Variants in FAR2 observed in about 807,000 individuals in gnomAD.
FAR2 encodes the protein fatty acyl-CoA reductase 2, also known as epididymis secretory protein Li 81.
A neutral mutation model predicts 56.0 loss-of-function variants in FAR2; 19 were observed. That is an observed-to-expected ratio of 0.34 (90% confidence interval 0.24 to 0.50). The LOEUF is 0.50. FAR2 is among the 20% of genes least tolerant of loss of function. The pLI is 0.98. For missense variants in FAR2, 508 were observed against 642.2 expected (o/e 0.79, Z 2.26); for synonymous variants, 219 against 218.8 (o/e 1.00, Z -0.01).
rs57871563 is a variant in FAR2 at position 29,322,099 on chromosome 12, G to A, written c.1257+175G>A. Among the ~76,000 whole-genome samples the A allele has an allele frequency of 8.5e-3, 1,294 of 152,306 alleles. 17 individuals carry two copies. Among genetic ancestry groups the A allele is most frequent in the African/African-American group, 0.03 (1,241 of 41,574 alleles). On this transcript the variant is annotated intron_variant, in intron 10 of 11. Transcript: ENST00000536681. ...CTATCAACACCACCGTAGGAAACAAGTTTAATGTAAGTAAGAAATGTAGGT... is the reference window on the plus strand; with the variant it reads ...CTATCAACACCACCGTAGGAAACAAATTTAATGTAAGTAAGAAATGTAGGT...
intron 1 of FAR2, among the ~76,000 whole-genome samples, chr12:29,174,413 G>A (rs1227740205): frequency 6.9e-6 from 1 of 144,638 alleles, no homozygotes; most frequent in African/African-American, 2.6e-5. Context: ...GACAGGGAGT[G>A]GTTTTTATTC....
chr12:29,272,090 C>T (rs1279335622), intron 2 of FAR2, among the ~76,000 whole-genome samples: 1 of 152,144 alleles, frequency 6.6e-6, no homozygotes, highest in Non-Finnish European at 1.5e-5. Flanking sequence ...GTTATCTACC[C>T]CTAATGCACT....
At chr12:29,265,340 T>C (rs1055825629) in intron 1 of FAR2, among the ~76,000 whole-genome samples, 2 of 152,062 alleles carry the variant, frequency 1.3e-5, no homozygotes, top group African/African-American at 4.8e-5. Flanking sequence ...CATAGACCAG[T>C]AGAACAGAGC....
intron 6 of FAR2, chr12:29,309,757 CAAT>C (rs1374920218): frequency 1.3e-5 from 2 of 152,706 alleles, no homozygotes; most frequent in African/African-American, 4.8e-5. Context: ...AACATCTTTT[CAAT>C]AATATCTTAC....
At chr12:29,327,354 A>G (rs1344005644) in intron 10 of FAR2, among the ~76,000 whole-genome samples, 1 of 152,200 alleles carries the variant, frequency 6.6e-6, no homozygotes, top group Non-Finnish European at 1.5e-5. Context: ...ATTCAATGCC[A>G]TCCCCATCAA....
chr12:29,307,792 T>C lies in FAR2; in HGVS notation c.680T>C (p.Ile227Thr). ...AGCAGGAACCTGAACATTGCCATCA[T>C]AAGGCCCTCCATTGTGGGAGCAACT... ...QESRNLNIAI[I>T]RPSIVGATWQ... Residue 227 changes from isoleucine (I) to threonine (T), a missense_variant, in exon 5 of 12, where the codon ATA (isoleucine) becomes ACA (threonine). Ile to Thr is a moderately conservative substitution (Grantham distance 89). Coordinates refer to ENST00000536681, the MANE Select transcript of FAR2 (RefSeq NM_001271783.2). The C allele has an allele frequency of 1.9e-6, 3 of 1,612,728 alleles. No homozygotes were observed. The highest frequency in any genetic ancestry group is 2.5e-6 in the Non-Finnish European group (3 of 1,179,850).
chr12:29,236,993 A>C (rs1245564440), intron 1 of FAR2, among the ~76,000 whole-genome samples: 3 of 152,302 alleles, frequency 2.0e-5, no homozygotes, highest in Non-Finnish European at 2.9e-5. Context: ...AAATATAAAG[A>C]AACTTTTTCC....
At chr12:29,205,527 G>C (rs983988842) in intron 1 of FAR2, among the ~76,000 whole-genome samples, 1 of 152,210 alleles carries the variant, frequency 6.6e-6, no homozygotes, top group Non-Finnish European at 1.5e-5. Context: ...AGCTCCTGCT[G>C]TTTTGGTAGG....
chr12:29,207,671 T>C (rs1947491683), intron 1 of FAR2, among the ~76,000 whole-genome samples: 1 of 152,166 alleles, frequency 6.6e-6, no homozygotes, highest in Admixed American at 6.5e-5. Flanking sequence ...AATATTGGGC[T>C]GAAACAGACT....
intron 1 of FAR2, among the ~76,000 whole-genome samples, chr12:29,204,082 A>T (rs1947450749): frequency 6.6e-6 from 1 of 151,404 alleles, no homozygotes; most frequent in African/African-American, 2.4e-5. Flanking sequence ...GGTAAAACCC[A>T]GCATGATTTT....
rs1949286319 is a variant in FAR2, at chr12:29,308,293, T to C, written c.723+458T>C. 5.9e-5 allele frequency among the ~76,000 whole-genome samples: 9 copies of C among 152,310 alleles called. No homozygotes were observed. In the South Asian group the frequency reaches 1.9e-3, roughly 32 times the overall value. On this transcript the variant is annotated intron_variant, in intron 5 of 11. Transcript: ENST00000536681. The stretch of plus-strand genomic sequence containing the variant: ...CTGTCATGACCTTTTGAAAGTACTT[T>C]GAATTATACCATCTTCTTGAAAGCA...
chr12:29,304,061 C>G (rs1416576888), intron 4 of FAR2, among the ~76,000 whole-genome samples: 2 of 152,190 alleles, frequency 1.3e-5, no homozygotes, highest in Non-Finnish European at 2.9e-5. Context: ...GACCTTGAAG[C>G]CACCTTCACC....
intron 1 of FAR2, among the ~76,000 whole-genome samples, chr12:29,221,298 A>G (rs760604145): frequency 3.9e-5 from 6 of 152,062 alleles, no homozygotes; most frequent in Non-Finnish European, 7.4e-5. Context: ...ATTATTTTAG[A>G]GAAAGTGTAA....
chr12:29,301,511 T>C (rs1156440904), intron 4 of FAR2: 2 of 152,240 alleles, frequency 1.3e-5, no homozygotes, highest in Non-Finnish European at 2.9e-5. Flanking sequence ...GGTTTTATGG[T>C]TGGTGCTTTC....
chr12:29,182,106 T>G (rs893643321), intron 1 of FAR2, among the ~76,000 whole-genome samples: 5 of 152,222 alleles, frequency 3.3e-5, no homozygotes, highest in Non-Finnish European at 7.3e-5. Context: ...CAGAGTTGGT[T>G]CCTTCTGGTG....
rs1949769338 is a variant in FAR2 at position 29,334,213 on chromosome 12, T to C, written c.*419T>C. 1 of 152,790 alleles carries C rather than the reference T, an allele frequency of 6.5e-6. No individual in the cohort carries two copies. Among genetic ancestry groups the C allele is most frequent in the Non-Finnish European group, 1.5e-5 (1 of 68,538 alleles). The allele number at this position is 152,790 out of a possible 1,614,324, so 9.5% of individuals were successfully genotyped here. A position where few individuals can be genotyped will look rare whatever the true frequency, so the allele number is the denominator to read the frequency against. Reference sequence around the variant, plus strand: ...CATTCTGGGTACCCAAAAGAAAAATTTAAAATCAAGATGAGTAAAAGGAGA... The same window carrying C: ...CATTCTGGGTACCCAAAAGAAAAATCTAAAATCAAGATGAGTAAAAGGAGA... On this transcript the variant is annotated 3_prime_UTR_variant, in exon 12 of 12. Coordinates refer to ENST00000536681, the MANE Select transcript of FAR2 (RefSeq NM_001271783.2).
At chr12:29,258,774 C>T (rs1368437153) in intron 1 of FAR2, among the ~76,000 whole-genome samples, 2 of 152,184 alleles carry the variant, frequency 1.3e-5, no homozygotes, top group Non-Finnish European at 2.9e-5. Context: ...GCTCAATCGT[C>T]ATTCTTTTTT....
At chr12:29,260,315 C>A (rs2216853) in intron 1 of FAR2, among the ~76,000 whole-genome samples, 3 of 151,902 alleles carry the variant, frequency 2.0e-5, no homozygotes, top group African/African-American at 4.8e-5. Flanking sequence ...CAGCTTTGTC[C>A]TGAGGGGAGG....
chr12:29,243,709 C>A (rs1948077677), intron 1 of FAR2, among the ~76,000 whole-genome samples: 2 of 152,044 alleles, frequency 1.3e-5, no homozygotes. Context: ...CCTCTGAATT[C>A]CTTAGGAAAG....
Sources: allele counts gnomAD v4.1 joint callset (sites outside exome capture counted in the v4.1 genomes callset), GRCh38; gene constraint gnomAD v4.1.1; transcripts MANE v1.5; gene names NCBI Gene and HGNC (gene_info 2026-07-23, HGNC 2026-07-21).